The following IL1RAPL2 variants were observed in gnomAD, a reference collection of about 807,000 sequenced individuals.
The protein encoded by IL1RAPL2 is interleukin 1 receptor accessory protein like 2.
In IL1RAPL2, 3 loss-of-function variants were observed where a neutral mutation model predicts 44.1. The observed-to-expected ratio is 0.07, with a 90% CI of 0.03 to 0.18. IL1RAPL2 has a LOEUF of 0.18. IL1RAPL2 is among the 10% of genes least tolerant of loss of function. The pLI is 1.00. For missense variants in IL1RAPL2, 391 were observed against 496.4 expected (o/e 0.79, Z 2.02); for synonymous variants, 181 against 178.8 (o/e 1.01, Z -0.10).
At chrX:104,671,608 T>C (rs1204760969) in intron 2 of IL1RAPL2, among the ~76,000 whole-genome samples, 3 of 111,840 alleles carry the variant, frequency 2.7e-5, no homozygotes, top group African/African-American at 9.8e-5. Flanking sequence ...ACGTCTGTCT[T>C]TTCCACCATA....
chrX:105,482,674 T>C (rs371873732), intron 5 of IL1RAPL2, among the ~76,000 whole-genome samples: 198 of 111,766 alleles, frequency 1.8e-3, no homozygotes, highest in African/African-American at 6.1e-3. Flanking sequence ...TTACCTGTCC[T>C]GTAATCAACT....
chrX:105,484,290 C>G, intron 5 of IL1RAPL2, 23 bp from the exon 6 acceptor site: 1 of 1,119,237 alleles, frequency 8.9e-7, no homozygotes, highest in Non-Finnish European at 1.2e-6. Context: ...TTTTCCATTA[C>G]TTTCTTTCAT....
intron 1 of IL1RAPL2, among the ~76,000 whole-genome samples, chrX:104,640,615 C>T (rs190258391): frequency 7.9e-4 from 89 of 112,127 alleles, no homozygotes; most frequent in Admixed American, 3.0e-3. Context: ...ATAATAGTCA[C>T]TTCTTCCAAT....
At chrX:104,661,492 T>A (rs954449575) in intron 2 of IL1RAPL2, among the ~76,000 whole-genome samples, 3 of 111,423 alleles carry the variant, frequency 2.7e-5, no homozygotes, top group African/African-American at 6.5e-5. Context: ...ATGGGATGAA[T>A]AAAAGACATC....
rs1256453471 is a variant in IL1RAPL2, at chrX:104,746,224, A to G, written c.82+87229A>G. Among the ~76,000 whole-genome samples the G allele has an allele frequency of 4.7e-4, 53 of 111,689 alleles. No individual in the cohort carries two copies. The Admixed American group carries it at 5.1e-3, about 11-fold the overall frequency. ...TAGAGATGGAGGAACTGAGCCTGAAATAAATCAAATCCATGGCCACAAATC... is the reference window on the plus strand; with the variant it reads ...TAGAGATGGAGGAACTGAGCCTGAAGTAAATCAAATCCATGGCCACAAATC... On this transcript the variant is annotated intron_variant, in intron 2 of 10. Coordinates refer to ENST00000372582, the MANE Select transcript of IL1RAPL2 (RefSeq NM_017416.2).
chrX:104,632,859 C>T lies in IL1RAPL2; in HGVS notation c.-19-26036C>T, dbSNP rs1247734263. 4.2e-4 allele frequency among the ~76,000 whole-genome samples: 46 copies of T among 110,341 alleles called. No homozygotes were observed. In the Admixed American group the frequency reaches 4.2e-3, roughly 10 times the overall value. ...CCTTCTCCTGCCTGATTGCCCTGGC[C>T]AGAACTTCCAACACTATGTTGAATA... On this transcript the variant is annotated intron_variant, in intron 1 of 10. Coordinates refer to ENST00000372582, the MANE Select transcript of IL1RAPL2 (RefSeq NM_017416.2).
At chrX:105,602,162 A>G (rs1260197439) in intron 6 of IL1RAPL2, among the ~76,000 whole-genome samples, 1 of 110,023 alleles carries the variant, frequency 9.1e-6, no homozygotes, top group Non-Finnish European at 1.9e-5. Context: ...TACTGCACAA[A>G]CTCCCCAAGG....
At chrX:105,568,082 GGTGTGTGT>G (rs748606371) in intron 6 of IL1RAPL2, among the ~76,000 whole-genome samples, 1 of 109,117 alleles carries the variant, frequency 9.2e-6, no homozygotes, top group East Asian at 2.9e-4. Context: ...TGTGCATGCA[GGTGTGTGT>G]GTGTGTGTGT....
intron 5 of IL1RAPL2, among the ~76,000 whole-genome samples, chrX:105,392,157 A>T (rs887789001): frequency 1.8e-5 from 2 of 109,562 alleles, no homozygotes; most frequent in Middle Eastern, 4.7e-3. Context: ...ATAATAAAAT[A>T]AAAAAATAAA....
chrX:105,217,468 G>A, intron 3 of IL1RAPL2, among the ~76,000 whole-genome samples: 1 of 111,923 alleles, frequency 8.9e-6, no homozygotes, highest in Non-Finnish European at 1.9e-5. Flanking sequence ...TGGAGAGGAT[G>A]TGGAGAAACA....
chrX:104,652,307 T>C (rs1271535145), intron 1 of IL1RAPL2, among the ~76,000 whole-genome samples: 1 of 111,747 alleles, frequency 8.9e-6, no homozygotes, highest in East Asian at 2.8e-4. Flanking sequence ...GCAGGAAATA[T>C]GGTACCTCTC....
chrX:105,132,057 G>T (rs1034749067), intron 2 of IL1RAPL2, among the ~76,000 whole-genome samples: 6 of 108,928 alleles, frequency 5.5e-5, no homozygotes, highest in African/African-American at 2.0e-4. Context: ...GCAGGAAAAT[G>T]AAAATAGTTT....
At chrX:105,410,163 A>G (rs2035684328) in intron 5 of IL1RAPL2, among the ~76,000 whole-genome samples, 1 of 110,832 alleles carries the variant, frequency 9.0e-6, no homozygotes, top group Non-Finnish European at 1.9e-5. Flanking sequence ...AGCCATCCAT[A>G]TAAAGATGTT....
At chrX:104,663,837 C>A (rs1930443403) in intron 2 of IL1RAPL2, among the ~76,000 whole-genome samples, 1 of 106,559 alleles carries the variant, frequency 9.4e-6, no homozygotes, top group South Asian at 4.3e-4. Context: ...GAGTGAAACA[C>A]AGTTATTGAA....
chrX:104,585,370 T>TAA (rs1928533077), intron 1 of IL1RAPL2, among the ~76,000 whole-genome samples: 1 of 21,913 alleles, frequency 4.6e-5, no homozygotes, highest in East Asian at 2.0e-3. Flanking sequence ...ATTATATATA[T>TAA]TATATATAAT....
intron 2 of IL1RAPL2, among the ~76,000 whole-genome samples, chrX:104,997,733 T>G (rs1318616319): frequency 8.9e-6 from 1 of 111,845 alleles, no homozygotes; most frequent in Non-Finnish European, 1.9e-5. Flanking sequence ...GAAAAAAGTT[T>G]CCAAAGAAAT....
chrX:105,394,626 T>C (rs769065512), intron 5 of IL1RAPL2, among the ~76,000 whole-genome samples: 53 of 111,297 alleles, frequency 4.8e-4, no homozygotes, highest in Non-Finnish European at 8.5e-4. Flanking sequence ...CAGGAACCTG[T>C]AAAGGATCTC....
chrX:105,645,972 GT>G (rs1474015153), intron 6 of IL1RAPL2, among the ~76,000 whole-genome samples: 2 of 111,040 alleles, frequency 1.8e-5, no homozygotes, highest in Non-Finnish European at 3.8e-5. Flanking sequence ...TTTACTTCAA[GT>G]TTCCCAGACA....
intron 10 of IL1RAPL2, among the ~76,000 whole-genome samples, chrX:105,762,873 A>ATT (rs58537168): frequency 0.097 from 10,338 of 106,267 alleles, 589 homozygotes; most frequent in African/African-American, 0.2. Flanking sequence ...GGATTTAGGG[A>ATT]TTTTTTTTTT....
Sources: allele counts gnomAD v4.1 joint callset (sites outside exome capture counted in the v4.1 genomes callset), GRCh38; gene constraint gnomAD v4.1.1; transcripts MANE v1.5; gene names NCBI Gene and HGNC (gene_info 2026-07-23, HGNC 2026-07-21).